The following EYS variants were observed in gnomAD, a reference collection of about 807,000 sequenced individuals.
The protein encoded by EYS is protein eyes shut homolog.
Under a neutral mutation model 282.1 loss-of-function variants are expected in EYS, and 250 were observed. The observed-to-expected ratio is 0.89, with a 90% confidence interval of 0.80 to 0.98. The LOEUF is 0.98. Among genes scored for constraint, EYS ranks in the 50% least tolerant of loss-of-function variants. The probability of loss-of-function intolerance (pLI) is 0.00; values close to 1 mark genes in which losing one functional copy is unlikely to be tolerated. For synonymous variants in EYS, 1,355 were observed against 1,282.9 expected, an observed-to-expected ratio of 1.06 and a Z score of -1.20; for missense variants, 4,016 against 3,709.0, an observed-to-expected ratio of 1.08 and a Z score of -2.15.
intron 22 of EYS, among the ~76,000 whole-genome samples, chr6:64,720,908 A>G (rs1029685093): frequency 2.0e-5 from 3 of 152,208 alleles, no homozygotes; most frequent in Non-Finnish European, 4.4e-5. Context: ...TTTTTTTATG[A>G]AAGCCTAAAA....
intron 5 of EYS, among the ~76,000 whole-genome samples, chr6:65,467,211 G>A (rs572400196): frequency 6.6e-6 from 1 of 152,068 alleles, no homozygotes; most frequent in African/African-American, 2.4e-5. Context: ...ATCAATGTAG[G>A]GGCCAATATA....
chr6:64,388,477 T>C (rs949865057), intron 29 of EYS, among the ~76,000 whole-genome samples: 1 of 152,122 alleles, frequency 6.6e-6, no homozygotes, highest in Non-Finnish European at 1.5e-5. Flanking sequence ...ATTGGAGCAA[T>C]TTTTTAAAAA....
intron 35 of EYS, among the ~76,000 whole-genome samples, chr6:63,875,028 G>C (rs1772929985): frequency 1.3e-5 from 2 of 152,196 alleles, no homozygotes; most frequent in Admixed American, 1.3e-4. Flanking sequence ...AGTGATGAGA[G>C]AGGGCATCCC....
rs1042053562 is a variant in EYS at position 65,190,340 on chromosome 6, T to G, written c.2023+105523A>C. On this transcript the variant is annotated intron_variant, in intron 12 of 42. Coordinates refer to ENST00000503581, the MANE Select transcript of EYS (RefSeq NM_001142800.2). The stretch of plus-strand genomic sequence containing the variant: ...AAATATTTATATATTATATTTTATA[T>G]GAAATATATGTAATATTACCTAGGC... Among the ~76,000 whole-genome samples the G allele has an allele frequency of 4.0e-5, 6 of 148,928 alleles. No homozygotes were observed. In the East Asian group the frequency reaches 5.9e-4, roughly 15 times the overall value.
At chr6:64,815,056 GATTA>G (rs1230247876) in intron 21 of EYS, among the ~76,000 whole-genome samples, 2 of 151,944 alleles carry the variant, frequency 1.3e-5, no homozygotes, top group African/African-American at 4.8e-5. Flanking sequence ...TCATCAGAGA[GATTA>G]ATTAGCGTCA....
intron 34 of EYS, among the ~76,000 whole-genome samples, chr6:63,995,217 T>C (rs1490511873): frequency 1.3e-5 from 2 of 151,906 alleles, no homozygotes. Context: ...AACCCCAGTA[T>C]AACCTGATTA....
At chr6:63,760,128 T>C (rs978829768) in intron 41 of EYS, among the ~76,000 whole-genome samples, 18 of 151,982 alleles carry the variant, frequency 1.2e-4, no homozygotes, top group African/African-American at 4.3e-4. Context: ...ATTTGCTGGG[T>C]TAAAAGTAAA....
chr6:64,145,660 T>C (rs1356301794), intron 31 of EYS, among the ~76,000 whole-genome samples: 2 of 152,208 alleles, frequency 1.3e-5, no homozygotes, highest in East Asian at 3.8e-4. Context: ...TTTACTCTTG[T>C]AAGAAAGTTC....
chr6:65,544,993 T>C (rs1177590010), intron 2 of EYS, among the ~76,000 whole-genome samples: 1 of 152,184 alleles, frequency 6.6e-6, no homozygotes, highest in African/African-American at 2.4e-5. Flanking sequence ...AGTTATTTTA[T>C]TCAAAAGTAT....
chr6:64,307,057 GT>G lies in EYS; in HGVS notation c.6103del (p.Thr2035LeufsTer4). On this transcript the variant is annotated frameshift_variant, in exon 30 of 43. Coordinates refer to ENST00000503581, the MANE Select transcript of EYS (RefSeq NM_001142800.2). LOFTEE classifies it high-confidence loss of function. ...IQMPVPVKNF[T>X]GCIEVIEINN... The stretch of plus-strand genomic sequence containing the variant: ...TATTTCTATAACTTCTATGCAGCCA[GT>G]AAAATTCTTGACTGGTACAGGCATC... 6.5e-7 allele frequency: 1 copy of G among 1,531,310 alleles called. No individual in the cohort carries two copies. The highest frequency in any genetic ancestry group is 8.9e-7 in the Non-Finnish European group (1 of 1,129,912). The allele number at this position is 1,531,310 out of a possible 1,614,324, so 94.9% of individuals were successfully genotyped here. A position where few individuals can be genotyped will look rare whatever the true frequency, so the allele number is the denominator to read the frequency against.
At chr6:64,004,429 AG>A (rs1337501043) in intron 33 of EYS, among the ~76,000 whole-genome samples, 1 of 151,708 alleles carries the variant, frequency 6.6e-6, no homozygotes, top group Non-Finnish European at 1.5e-5. Context: ...TTAAATAAGG[AG>A]CAATAAGTAT....
chr6:65,314,694 C>T (rs1044718320), intron 11 of EYS, among the ~76,000 whole-genome samples: 4 of 151,238 alleles, frequency 2.6e-5, no homozygotes, highest in African/African-American at 9.7e-5. Context: ...CTACTGAACT[C>T]CAAGAACATC....
intron 15 of EYS, among the ~76,000 whole-genome samples, chr6:64,925,465 C>T (rs1768486088): frequency 6.6e-6 from 1 of 152,044 alleles, no homozygotes; most frequent in Admixed American, 6.6e-5. Flanking sequence ...TAGCGATGTG[C>T]CTGGTGTGTC....
chr6:64,601,810 G>C (rs1401399986), intron 24 of EYS, among the ~76,000 whole-genome samples: 1 of 151,970 alleles, frequency 6.6e-6, no homozygotes, highest in Non-Finnish European at 1.5e-5. Context: ...ACCTGACCCT[G>C]TTTACTTCTA....
intron 22 of EYS, among the ~76,000 whole-genome samples, chr6:64,781,984 G>C: frequency 6.6e-6 from 1 of 152,132 alleles, no homozygotes; most frequent in East Asian, 1.9e-4. Flanking sequence ...CTAGTCATCT[G>C]TTTCCTGGCT....
intron 36 of EYS, among the ~76,000 whole-genome samples, chr6:63,833,598 T>C (rs1212488232): frequency 1.3e-5 from 2 of 152,108 alleles, no homozygotes; most frequent in African/African-American, 2.4e-5. Flanking sequence ...TGCTCATGGA[T>C]AGGAAGAATC....
chr6:65,454,179 G>A (rs560221484), intron 5 of EYS, among the ~76,000 whole-genome samples: 1 of 151,240 alleles, frequency 6.6e-6, no homozygotes, highest in South Asian at 2.1e-4. Flanking sequence ...GTCAACACTT[G>A]TTTTCTTTAG....
rs950874042 is a variant in EYS at position 65,613,723 on chromosome 6, G to A, written c.-333+26055C>T. Among the ~76,000 whole-genome samples, 17 of 151,764 alleles carry A rather than the reference G, an allele frequency of 1.1e-4. No individual in the cohort carries two copies. In the East Asian group the frequency reaches 3.3e-3, roughly 29 times the overall value. Reference sequence around the variant, plus strand: ...CAGAATGTAAGGATCCAGGCAATTCGTTTAACTGAGTATTGACTTTTTTCA... The same window carrying A: ...CAGAATGTAAGGATCCAGGCAATTCATTTAACTGAGTATTGACTTTTTTCA... On this transcript the variant is annotated intron_variant, in intron 2 of 42. Coordinates refer to ENST00000503581, the MANE Select transcript of EYS (RefSeq NM_001142800.2).
intron 31 of EYS, among the ~76,000 whole-genome samples, chr6:64,184,182 TG>T (rs2150313105): frequency 6.6e-6 from 1 of 152,276 alleles, no homozygotes; most frequent in Non-Finnish European, 1.5e-5. Context: ...CCTTAGTGCC[TG>T]TCTCTTGTGT....
Sources: allele counts gnomAD v4.1 joint callset (sites outside exome capture counted in the v4.1 genomes callset), GRCh38; gene constraint gnomAD v4.1.1; transcripts MANE v1.5; gene names NCBI Gene and HGNC (gene_info 2026-07-23, HGNC 2026-07-21).